The following C4orf50 variants were observed in gnomAD, a reference collection of about 807,000 sequenced individuals.
C4orf50 encodes uncharacterized protein C4orf50.
C4orf50 carries 80 observed loss-of-function variants against 77.2 expected under a neutral mutation model. That is an observed-to-expected ratio of 1.04 (90% CI 0.87 to 1.25). C4orf50 has a LOEUF of 1.25. Ranked by LOEUF, C4orf50 falls within the 50% of genes most tolerant of loss-of-function variation. The pLI is 0.00. For synonymous variants in C4orf50, 532 were observed against 465.3 expected (o/e 1.14, Z -1.84); for missense variants, 1,257 against 1,152.9 (o/e 1.09, Z -1.31).
intron 7 of C4orf50, among the ~76,000 whole-genome samples, chr4:5,939,552 G>A (rs554715025): frequency 6.6e-6 from 1 of 152,256 alleles, no homozygotes; most frequent in South Asian, 2.1e-4. Context: ...CTTTTCTTCT[G>A]GACATCTAGA....
intron 29 of C4orf50, among the ~76,000 whole-genome samples, chr4:5,976,972 G>A (rs933191756): frequency 1.3e-5 from 2 of 152,208 alleles, no homozygotes; most frequent in Non-Finnish European, 2.9e-5. Flanking sequence ...GAATAGGACT[G>A]GCAGCTTCCA....
At chr4:5,937,080 A>G (rs1008360333) in intron 7 of C4orf50, among the ~76,000 whole-genome samples, 3 of 152,164 alleles carry the variant, frequency 2.0e-5, no homozygotes, top group Non-Finnish European at 4.4e-5. Flanking sequence ...TTTACTGCTA[A>G]ATGCCTTGCT....
chr4:5,952,425 A>G (rs990232509), downstream of C4orf50, among the ~76,000 whole-genome samples: 3 of 152,158 alleles, frequency 2.0e-5, no homozygotes, highest in Admixed American at 2.0e-4. The surrounding 1 kb of genome is among the most constrained non-coding windows in gnomAD (Gnocchi z 4.4). Flanking sequence ...GACGGCAGGC[A>G]CCTCCAGGGC....
rs1378416440 is a variant in C4orf50, at chr4:5,989,475, A to G, written c.2571T>C (p.Val857=). ...TAGAACAAATACCCCAATTTCCCCA[A>G]ACCTGCTGAGAGTGAGCTCTCTCCC... is the stretch of plus-strand genomic sequence containing the variant. Residue 857 remains valine (V), a synonymous_variant, in exon 28 of 34, where the codon GTT becomes GTC. Coordinates refer to ENST00000531445, the Ensembl canonical transcript of C4orf50. 2.0e-6 allele frequency: 3 copies of G among 1,535,786 alleles called. No individual in the cohort carries two copies. In the African/African-American group the frequency reaches 4.1e-5, roughly 21 times the overall value.
Position 5,989,562 on chromosome 4 carries a change from C to A in C4orf50, c.2484G>T (p.Gln828His), listed in dbSNP as rs539749262. The A allele has an allele frequency of 3.9e-5, 60 of 1,536,164 alleles. No individual in the cohort carries two copies. In the African/African-American group the frequency reaches 7.7e-4, roughly 20 times the overall value. ...CTCCCCTACATGCAGAGGCTGAGCA[C>A]TGCCAGCCCCTGCTGCCCGGCTGCA... is the stretch of plus-strand genomic sequence containing the variant. The change falls in exon 28 of 34, where the codon CAG becomes CAT. Residue 828 changes from glutamine (Q) to histidine (H), a missense_variant. Physicochemically the swap from Gln to His is conservative, Grantham distance 24. Coordinates refer to ENST00000531445, the Ensembl canonical transcript of C4orf50.
Position 5,908,036 on chromosome 4 carries a change from G to GATTCATTC in C4orf50, c.*2475-9856_*2475-9849dup, listed in dbSNP as rs61240934. On this transcript the variant is annotated intron_variant, in intron 7 of 7. Transcript: ENST00000324058. The surrounding 1 kb of genome is among the most constrained non-coding windows in gnomAD (Gnocchi z 5.6). ...TAACAAAAAGAGCTGACCATTCACT[G>GATTCATTC]ATTCATTCATTCATTCATTCATTCA... 0.37 allele frequency among the ~76,000 whole-genome samples: 55,344 copies of GATTCATTC among 151,324 alleles called. 12,538 individuals carry two copies. Among genetic ancestry groups the GATTCATTC allele is most frequent in the East Asian group, 0.71 (3,583 of 5,016 alleles).
rs1336326718 is a variant in C4orf50 at position 5,997,575 on chromosome 4, G to A, written c.964-3099C>T. On this transcript the variant is annotated intron_variant, in intron 25 of 33. Coordinates refer to ENST00000531445, the Ensembl canonical transcript of C4orf50. Reference sequence around the variant, plus strand: ...TTCTGCCTCCCTGCCTGCTCTATCAGTCCATCCTACATTTCAACCCTCAAG... The same window carrying A: ...TTCTGCCTCCCTGCCTGCTCTATCAATCCATCCTACATTTCAACCCTCAAG... Among the ~76,000 whole-genome samples, 3 of 152,298 alleles carry A rather than the reference G, an allele frequency of 2.0e-5. No individual in the cohort carries two copies. In the East Asian group the frequency reaches 5.8e-4, roughly 29 times the overall value.
In C4orf50 at chr4:5,988,354, C is replaced by A. The variant is rs778553452; in HGVS notation, c.3692G>T (p.Gly1231Val). Residue 1231 changes from glycine (G) to valine (V), a missense_variant, in exon 28 of 34, where the codon GGC (glycine) becomes GTC (valine). By Grantham distance (109) the Gly-to-Val change is moderately radical (BLOSUM62 -3). Transcript: ENST00000531445. ...TATGCAGACCCAACCTACCATGGGG[C>A]CATTGCTCAGGGAGCTCAGAGCTTG... is the stretch of plus-strand genomic sequence containing the variant. 1.2e-5 allele frequency: 19 copies of A among 1,613,648 alleles called. No homozygotes were observed. The Middle Eastern group carries it at 2.1e-3, about 182-fold the overall frequency.
At chr4:6,016,246 C>T (rs1231991701) in intron 23 of C4orf50, among the ~76,000 whole-genome samples, 1 of 152,078 alleles carries the variant, frequency 6.6e-6, no homozygotes, top group Non-Finnish European at 1.5e-5. Context: ...ATCAATTAGC[C>T]TATGGTCAAA....
downstream of C4orf50, among the ~76,000 whole-genome samples, chr4:5,956,544 A>C (rs1354105362): frequency 3.9e-5 from 6 of 152,224 alleles, no homozygotes; most frequent in Admixed American, 1.3e-4. Context: ...CTCAAGCAGA[A>C]GGCCTCCCGG....
intron 7 of C4orf50, among the ~76,000 whole-genome samples, chr4:5,931,331 G>T (rs1410958770): frequency 6.6e-6 from 1 of 151,904 alleles, no homozygotes; most frequent in African/African-American, 2.4e-5. Context: ...ATCAGTTAGG[G>T]AATCTAGGAG....
At chr4:5,984,250 T>C (rs1214131552) in intron 28 of C4orf50, among the ~76,000 whole-genome samples, 1 of 152,232 alleles carries the variant, frequency 6.6e-6, no homozygotes, top group Non-Finnish European at 1.5e-5. Flanking sequence ...ATCAGGAATC[T>C]TCATAAAATA....
intron 33 of C4orf50, 142 bp downstream of exon 11, chr4:5,964,882 C>T (rs1212479113): frequency 1.9e-5 from 12 of 641,462 alleles, no homozygotes; most frequent in African/African-American, 5.6e-5. Context: ...GGGGGCTGTT[C>T]GGGAGTCGAT....
chr4:5,908,031 T>C lies in C4orf50; in HGVS notation c.*2475-9843A>G, dbSNP rs1482295007. 2.1e-5 allele frequency among the ~76,000 whole-genome samples: 3 copies of C among 142,370 alleles called. No homozygotes were observed. The highest frequency in any genetic ancestry group is 1.4e-4 in the Admixed American group (2 of 14,090). The allele number at this position is 142,370 out of a possible 152,430, so 93.4% of individuals were successfully genotyped here. Reference sequence around the variant, plus strand: ...CTTTTTAACAAAAAGAGCTGACCATTCACTGATTCATTCATTCATTCATTC... The same window carrying C: ...CTTTTTAACAAAAAGAGCTGACCATCCACTGATTCATTCATTCATTCATTC... On this transcript the variant is annotated intron_variant, in intron 7 of 7. Transcript: ENST00000324058. This position sits in a 1 kb window ranked among gnomAD's most constrained non-coding sequence, Gnocchi z 5.6.
chr4:5,974,474 G>A (rs1478574974), intron 30 of C4orf50, among the ~76,000 whole-genome samples: 3 of 152,140 alleles, frequency 2.0e-5, no homozygotes, highest in South Asian at 2.1e-4. Context: ...AGACAGACAC[G>A]GAAATGTGGG....
chr4:5,980,153 G>GA (rs760449508), intron 29 of C4orf50, 21 bp downstream of exon 7: 20 of 1,551,416 alleles, frequency 1.3e-5, no homozygotes, highest in African/African-American at 4.2e-5. Context: ...GACAAGAGGG[G>GA]AAAGAAAGCA....
intron 24 of C4orf50, among the ~76,000 whole-genome samples, chr4:6,010,768 C>A (rs113714158): frequency 2.0e-5 from 3 of 152,244 alleles, no homozygotes; most frequent in African/African-American, 7.2e-5. Context: ...TTTGCCTCTG[C>A]AGCCTTTCCT....
chr4:5,941,593 A>G (rs562896148), intron 7 of C4orf50, among the ~76,000 whole-genome samples: 37 of 152,296 alleles, frequency 2.4e-4, no homozygotes, highest in Non-Finnish European at 3.1e-4. Flanking sequence ...AGTGTGCCCA[A>G]TACTTTTCTA....
chr4:5,963,963 T>C (rs1424909237), intron 33 of C4orf50, among the ~76,000 whole-genome samples: 1 of 152,238 alleles, frequency 6.6e-6, no homozygotes, highest in East Asian at 1.9e-4. Context: ...AGTGCTGCTC[T>C]GGCAATGACT....
Sources: allele counts gnomAD v4.1 joint callset (sites outside exome capture counted in the v4.1 genomes callset), GRCh38; gene constraint gnomAD v4.1.1; non-coding constraint Gnocchi (gnomAD v3.1); transcripts MANE v1.5; gene names NCBI Gene and HGNC (gene_info 2026-07-23, HGNC 2026-07-21).